TTC28: variants seen among roughly 807,000 people sequenced by gnomAD.
TTC28 encodes tetratricopeptide repeat domain 28.
TTC28 carries 61 observed loss-of-function variants against 198.0 expected under a neutral mutation model. The observed-to-expected ratio is 0.31, with a 90% confidence interval of 0.25 to 0.38. The LOEUF is 0.38. TTC28 is among the 10% of genes least tolerant of loss of function. The pLI is 1.00. For synonymous variants in TTC28, 1,171 were observed against 1,297.8 expected (o/e 0.90, Z 2.10); for missense variants, 2,678 against 3,164.0 (o/e 0.85, Z 3.69).
intron 2 of TTC28, among the ~76,000 whole-genome samples, chr22:28,574,731 A>C (rs2050119154): frequency 6.6e-6 from 1 of 152,156 alleles, no homozygotes; most frequent in Non-Finnish European, 1.5e-5. Context: ...ACTGGGGTGA[A>C]ATGATAGCTC....
At chr22:28,010,558 G>A (rs1178332458) in intron 14 of TTC28, among the ~76,000 whole-genome samples, 2 of 152,172 alleles carry the variant, frequency 1.3e-5, no homozygotes, top group Non-Finnish European at 2.9e-5. Context: ...CTCAAGTACA[G>A]AGCCGCCACA....
chr22:28,218,500 A>G (rs1036455306), intron 5 of TTC28, among the ~76,000 whole-genome samples: 4 of 152,120 alleles, frequency 2.6e-5, no homozygotes, highest in Admixed American at 6.5e-5. Context: ...TCACTCATTC[A>G]GTTTTGATAA....
intron 3 of TTC28, among the ~76,000 whole-genome samples, chr22:28,298,125 T>TG (rs2145785630): frequency 6.6e-6 from 1 of 152,244 alleles, no homozygotes; most frequent in South Asian, 2.1e-4. Context: ...TTTCCCTGAA[T>TG]AGTTCCCTCT....
At chr22:28,374,785 G>A (rs1404888760) in intron 2 of TTC28, among the ~76,000 whole-genome samples, 4 of 152,168 alleles carry the variant, frequency 2.6e-5, no homozygotes, top group African/African-American at 4.8e-5. Context: ...AGGTTCGAGC[G>A]ATTCTCCTGC....
chr22:28,637,004 GTTTTTTTTTTT>G (rs35849354), intron 1 of TTC28, among the ~76,000 whole-genome samples: 1 of 97,308 alleles, frequency 1.0e-5, no homozygotes, highest in Admixed American at 1.2e-4. Flanking sequence ...CAGGTCTTCA[GTTTTTTTTTTT>G]TTTTTTTTTT....
intron 2 of TTC28, among the ~76,000 whole-genome samples, chr22:28,532,037 G>C (rs561044245): frequency 1.8e-4 from 27 of 152,266 alleles, no homozygotes; most frequent in Non-Finnish European, 2.8e-4. Context: ...AAAGCTAGCA[G>C]AAGGCAAGAA....
intron 2 of TTC28, among the ~76,000 whole-genome samples, chr22:28,505,479 C>A (rs1406177115): frequency 5.3e-5 from 8 of 151,980 alleles, no homozygotes; most frequent in Admixed American, 5.2e-4. Context: ...ACAGCCCACC[C>A]AGGAATGGCA....
chr22:28,189,355 A>G (rs937643636), intron 5 of TTC28, among the ~76,000 whole-genome samples: 1 of 152,200 alleles, frequency 6.6e-6, no homozygotes, highest in Admixed American at 6.5e-5. Context: ...GAAGAATATT[A>G]CTTCAAGGGA....
At chr22:28,270,205 A>AC (rs759690578) in intron 5 of TTC28, among the ~76,000 whole-genome samples, 110 of 152,344 alleles carry the variant, frequency 7.2e-4, no homozygotes, top group Middle Eastern at 3.4e-3. Context: ...AAAGCAGGAC[A>AC]ATTCAAAGGG....
At position 28,297,797 on chromosome 22, in the gene TTC28, G is replaced by A; in HGVS notation, c.585C>T (p.Pro195=). 1 of 1,551,680 alleles carries A rather than the reference G, an allele frequency of 6.4e-7. No individual in the cohort carries two copies. Among genetic ancestry groups the A allele is most frequent in the Non-Finnish European group, 8.7e-7 (1 of 1,147,008 alleles). Residue 195 remains proline, a synonymous_variant, in exon 4 of 23, where the codon CCC becomes CCT. Transcript: ENST00000397906. ...QLQKMKLDKS[P]FVVVSVVGQE... ...GCCCAACCACAGACACGACCACAAA[G>A]GGACTCTTGTCCAGTTTCATTTTCT...
intron 5 of TTC28, among the ~76,000 whole-genome samples, chr22:28,212,009 C>T (rs928977540): frequency 4.6e-5 from 7 of 152,130 alleles, no homozygotes; most frequent in Admixed American, 6.5e-5. Flanking sequence ...AACTGAACAA[C>T]GTGCTCCTCA....
At chr22:28,504,261 C>T (rs2048573056) in intron 2 of TTC28, among the ~76,000 whole-genome samples, 1 of 152,012 alleles carries the variant, frequency 6.6e-6, no homozygotes, top group Non-Finnish European at 1.5e-5. Flanking sequence ...TTTTTAAAAA[C>T]AAGTAAAAGT....
intron 5 of TTC28, among the ~76,000 whole-genome samples, chr22:28,225,068 C>T (rs781650228): frequency 5.3e-5 from 8 of 152,132 alleles, no homozygotes; most frequent in Non-Finnish European, 1.0e-4. Flanking sequence ...ACTACTGCCA[C>T]ATCTCACAGA....
chr22:27,988,634 C>T (rs1601484492), intron 21 of TTC28, among the ~76,000 whole-genome samples: 1 of 152,276 alleles, frequency 6.6e-6, no homozygotes, highest in East Asian at 1.9e-4. Flanking sequence ...TGTCTGACAG[C>T]TCATCCATGT....
intron 2 of TTC28, among the ~76,000 whole-genome samples, chr22:28,499,036 C>A (rs537101034): frequency 6.6e-6 from 1 of 151,880 alleles, no homozygotes; most frequent in Non-Finnish European, 1.5e-5. Flanking sequence ...TTTAATTACC[C>A]AGGTGTAGGC....
rs143952369 is a variant in TTC28, at chr22:28,002,291, C to A, written c.4219-738G>T. The A allele has an allele frequency of 9.4e-3, 1,439 of 152,618 alleles. 25 individuals carry two copies. The highest frequency in any genetic ancestry group is 0.032 in the African/African-American group (1,339 of 41,584). 9.5% of individuals were successfully genotyped at this position (152,618 alleles called of 1,614,324 possible). A position where few individuals can be genotyped will look rare whatever the true frequency, so the allele number is the denominator to read the frequency against. ...CTGGAAGCTGGGTCCACACAGACTG[C>A]GGTGAACAAAGAGGTGGCGTGGAAG... On this transcript the variant is annotated intron_variant, in intron 14 of 22. Transcript: ENST00000397906.
intron 12 of TTC28, among the ~76,000 whole-genome samples, chr22:28,062,815 T>G (rs1277428150): frequency 6.6e-6 from 1 of 152,224 alleles, no homozygotes; most frequent in Non-Finnish European, 1.5e-5. Context: ...ATATTTTTAT[T>G]CATTGTGAGC....
At chr22:28,064,649 AC>A (rs148826496) in intron 12 of TTC28, among the ~76,000 whole-genome samples, 10,117 of 152,220 alleles carry the variant, frequency 0.066, 394 homozygotes, top group South Asian at 0.088. Flanking sequence ...ACCCAATTAT[AC>A]CCCTCCCCCA....
chr22:28,177,673 C>T (rs1202956951), intron 5 of TTC28, among the ~76,000 whole-genome samples: 1 of 152,014 alleles, frequency 6.6e-6, no homozygotes, highest in Non-Finnish European at 1.5e-5. Context: ...TTATTCAGGG[C>T]TAAAAACAAT....
Sources: gnomAD v4.1 joint callset for allele counts (sites outside exome capture counted in the v4.1 genomes callset) on GRCh38, gnomAD v4.1.1 for gene constraint, MANE v1.5 for transcripts, NCBI Gene and HGNC (gene_info 2026-07-23, HGNC 2026-07-21) for gene names.